SLC12A9: variants seen among roughly 807,000 people sequenced by gnomAD.
SLC12A9 encodes the protein CCC-interacting protein 1.
A neutral mutation model predicts 66.0 loss-of-function variants in SLC12A9; 55 were observed. The ratio of observed to expected loss-of-function variants is 0.83; its 90% CI spans 0.67 to 1.04. The LOEUF (loss-of-function observed/expected upper bound fraction) is 1.04. Ranked by LOEUF, SLC12A9 falls within the 50% of genes least tolerant of loss-of-function variation. The probability of loss-of-function intolerance (pLI) is 0.00; values close to 1 mark genes in which losing one functional copy is unlikely to be tolerated. For missense variants in SLC12A9, 1,061 were observed against 1,241.9 expected, an observed-to-expected ratio of 0.85 and a Z score of 2.19; for synonymous variants, 577 against 569.0, an observed-to-expected ratio of 1.01 and a Z score of -0.20.
At chr7:100,831,639 T>A (rs1029205000) in intron 1 of SLC12A9, among the ~76,000 whole-genome samples, 2 of 152,190 alleles carry the variant, frequency 1.3e-5, no homozygotes, top group African/African-American at 4.8e-5. Flanking sequence ...GCCCGGCTAA[T>A]AAGTTTACTT....
chr7:100,859,708 C>G (rs1019373150), intron 7 of SLC12A9, 177 bp from the exon 8 acceptor site: 1 of 753,792 alleles, frequency 1.3e-6, no homozygotes. Flanking sequence ...GAGACCTTGT[C>G]TCTTAAAAAA....
intron 3 of SLC12A9, among the ~76,000 whole-genome samples, chr7:100,855,071 C>T (rs1246891703): frequency 6.6e-6 from 1 of 152,138 alleles, no homozygotes; most frequent in East Asian, 1.9e-4. Flanking sequence ...GGCTGAGGCA[C>T]GAGAATCGCT....
chr7:100,833,633 C>T (rs1223254268), intron 1 of SLC12A9, among the ~76,000 whole-genome samples: 1 of 151,580 alleles, frequency 6.6e-6, no homozygotes, highest in African/African-American at 2.4e-5. Context: ...ATAGTGAGAC[C>T]CCAGCTCTAA....
chr7:100,858,978 G>A (rs905548963), intron 6 of SLC12A9, 36 bp downstream of exon 6: 1 of 1,613,064 alleles, frequency 6.2e-7, no homozygotes, highest in Admixed American at 1.7e-5. Flanking sequence ...TGGGGGTTTG[G>A]GGCTGCCACC....
At chr7:100,850,310 T>C (rs1428322455), upstream of SLC12A9, among the ~76,000 whole-genome samples, 1 of 149,902 alleles carries the variant, frequency 6.7e-6, no homozygotes, top group Non-Finnish European at 1.5e-5. Flanking sequence ...CCCAGATGGG[T>C]GTGCAGCCAT....
At position 100,866,365 on chromosome 7, in the gene SLC12A9, C is replaced by A. The variant is rs1472457162; in HGVS notation, c.2505C>A (p.Arg835=). The change falls in exon 14 of 14, where the codon CGC becomes CGA. Residue 835 remains arginine (R), a synonymous_variant. Coordinates refer to ENST00000354161, the MANE Select transcript of SLC12A9 (RefSeq NM_020246.4). This position sits in a 1 kb window ranked among gnomAD's most constrained non-coding sequence, Gnocchi z 7.3. ...RGDAEAEALA[R]SANALVRAQQ... Reference sequence around the variant, plus strand: ...ACGCAGAGGCAGAGGCCCTGGCACGCAGCGCCAACGCCCTGGTTCGGGCCC... The same window carrying A: ...ACGCAGAGGCAGAGGCCCTGGCACGAAGCGCCAACGCCCTGGTTCGGGCCC... The A allele has an allele frequency of 6.6e-7, 1 of 1,514,050 alleles. No individual in the cohort carries two copies. Among genetic ancestry groups the A allele is most frequent in the East Asian group, 2.5e-5 (1 of 40,552 alleles). The allele number at this position is 1,514,050 out of a possible 1,614,324, so 93.8% of individuals were successfully genotyped here. A position where few individuals can be genotyped will look rare whatever the true frequency, so the allele number is the denominator to read the frequency against.
At chr7:100,848,683 G>C (rs1291574940), upstream of SLC12A9, among the ~76,000 whole-genome samples, 10 of 151,874 alleles carry the variant, frequency 6.6e-5, no homozygotes, top group Non-Finnish European at 1.2e-4. Flanking sequence ...TCAGGAGATC[G>C]AGACCATTCT....
chr7:100,826,987 G>C, exon 1 of SLC12A9: 1 of 1,564,630 alleles, frequency 6.4e-7, no homozygotes, highest in Non-Finnish European at 8.7e-7. Context: ...ACCTTCCAAA[G>C]CTGCGGCCAA....
intron 1 of SLC12A9, chr7:100,837,672 T>G (rs919665803): frequency 1.3e-5 from 2 of 152,152 alleles, no homozygotes; most frequent in Admixed American, 1.3e-4. Flanking sequence ...CTTCCTTTCT[T>G]TTTTTGAGAC....
At chr7:100,828,551 C>CAAA (rs34743877) in intron 1 of SLC12A9, among the ~76,000 whole-genome samples, 542 of 40,200 alleles carry the variant, frequency 0.013, 11 homozygotes, top group African/African-American at 0.046. Flanking sequence ...GACGAAATCT[C>CAAA]AAAAAAAAAA....
intron 1 of SLC12A9, among the ~76,000 whole-genome samples, chr7:100,845,477 G>GT (rs1031961073): frequency 6.6e-6 from 1 of 151,986 alleles, no homozygotes; most frequent in African/African-American, 2.4e-5. Context: ...AGCCTCCCGA[G>GT]TAGCTGGGAC....
chr7:100,859,255 AC>A, intron 7 of SLC12A9, 94 bp downstream of exon 7: 2 of 1,243,568 alleles, frequency 1.6e-6, no homozygotes, highest in Non-Finnish European at 2.3e-6. Flanking sequence ...GGAAGCAGAA[AC>A]CCAGCTTGTT....
intron 1 of SLC12A9, among the ~76,000 whole-genome samples, chr7:100,845,640 C>T (rs977948946): frequency 1.3e-5 from 2 of 152,218 alleles, no homozygotes; most frequent in East Asian, 1.9e-4. Flanking sequence ...TGGGCCACCA[C>T]GCCCGGCCTA....
intron 1 of SLC12A9, chr7:100,827,423 G>A (rs1415692898): frequency 6.6e-6 from 1 of 150,690 alleles, no homozygotes; most frequent in African/African-American, 2.4e-5. Flanking sequence ...CTCGCGGGCG[G>A]GGATGGTGGG....
chr7:100,862,262 C>T (rs964973970), intron 12 of SLC12A9, among the ~76,000 whole-genome samples: 1 of 151,906 alleles, frequency 6.6e-6, no homozygotes, highest in African/African-American at 2.4e-5. Flanking sequence ...CAGAACCCCT[C>T]CCCCGCTTTT....
rs551505986 is a variant in SLC12A9, at chr7:100,854,293, G to A, written c.96G>A (p.Ala32=). ...ATGGGGCCGGGGGTCCTGGAGGGGC[G>A]TCTGCCCGGAAGCTGTCCACCTTCC... The part of the protein sequence containing the change: ...PANGAGGPGG[A]SARKLSTFLG... The change falls in exon 2 of 14, where the codon GCG becomes GCA. Residue 32 remains alanine (A), a synonymous_variant. Coordinates refer to ENST00000354161, the MANE Select transcript of SLC12A9 (RefSeq NM_020246.4). 71 of 1,600,174 alleles carry A rather than the reference G, an allele frequency of 4.4e-5. 1 individual carries two copies. Among genetic ancestry groups the A allele is most frequent in the South Asian group, 2.8e-4 (25 of 88,786 alleles).
Position 100,857,235 on chromosome 7 carries a change from C to A in SLC12A9, c.757+59C>A, listed in dbSNP as rs1351636105. 2.6e-6 allele frequency: 4 copies of A among 1,550,658 alleles called. No homozygotes were observed. In the Admixed American group the frequency reaches 7.1e-5, roughly 28 times the overall value. On this transcript the variant is annotated intron_variant, in intron 5 of 13. Coordinates refer to ENST00000354161, the MANE Select transcript of SLC12A9 (RefSeq NM_020246.4). ...GGTGAGGGGTGGGCAGACGTCGGGC[C>A]GGGCCCGTAAAACCTCTGGATGAGC...
chr7:100,847,931 C>T (rs1409593388), upstream of SLC12A9, among the ~76,000 whole-genome samples: 1 of 151,270 alleles, frequency 6.6e-6, no homozygotes, highest in Non-Finnish European at 1.5e-5. Flanking sequence ...ACTAAAAATA[C>T]AAAAATGAGC....
Position 100,866,824 on chromosome 7 carries a change from C to T in SLC12A9, c.*219C>T. 2.1e-6 allele frequency: 1 copy of T among 472,710 alleles called. No individual in the cohort carries two copies. Among genetic ancestry groups the T allele is most frequent in the Non-Finnish European group, 3.7e-6 (1 of 272,596 alleles). 29.3% of individuals were successfully genotyped at this position (472,710 alleles called of 1,614,324 possible). A position where few individuals can be genotyped will look rare whatever the true frequency, so the allele number is the denominator to read the frequency against. On this transcript the variant is annotated 3_prime_UTR_variant, in exon 14 of 14. Transcript: ENST00000354161. The surrounding 1 kb of genome is among the most constrained non-coding windows in gnomAD (Gnocchi z 7.3). ...ACTCTGGGTGGCTGTCCCCACCGTG[C>T]AGGGGAGGGAGTCCGCAGCCTCCCT...
Sources: allele counts gnomAD v4.1 joint callset (sites outside exome capture counted in the v4.1 genomes callset), GRCh38; gene constraint gnomAD v4.1.1; non-coding constraint Gnocchi (gnomAD v3.1); transcripts MANE v1.5; gene names NCBI Gene and HGNC (gene_info 2026-07-23, HGNC 2026-07-21).